Variants in KIAA0930 observed in about 807,000 individuals in gnomAD.
The protein encoded by KIAA0930 is KIAA0930, also known as uncharacterized protein KIAA0930.
KIAA0930 carries 24 observed loss-of-function variants against 43.9 expected under a neutral mutation model. The observed-to-expected ratio is 0.55, with a 90% CI of 0.40 to 0.77. The LOEUF (loss-of-function observed/expected upper bound fraction) is 0.77. Ranked by LOEUF, KIAA0930 falls within the 30% of genes least tolerant of loss-of-function variation. The pLI is 0.00. For synonymous variants in KIAA0930, 259 were observed against 216.4 expected, an observed-to-expected ratio of 1.20 and a Z score of -1.73; for missense variants, 461 against 574.2, an observed-to-expected ratio of 0.80 and a Z score of 2.02.
chr22:45,224,588 CCCCG>C (rs1157027087), intron 1 of KIAA0930, among the ~76,000 whole-genome samples: 1 of 152,094 alleles, frequency 6.6e-6, no homozygotes, highest in Non-Finnish European at 1.5e-5. Context: ...TCCCTGCTGC[CCCCG>C]CCATCCCCAG....
chr22:45,202,844 G>T, intron 7 of KIAA0930, 146 bp downstream of exon 7: 1 of 647,906 alleles, frequency 1.5e-6, no homozygotes, highest in Non-Finnish European at 2.5e-6. Context: ...GGTGGTCCGG[G>T]CCTCCGCACG....
In KIAA0930 at chr22:45,215,892, G is replaced by A. The variant is rs188492252; in HGVS notation, c.65-3785C>T. Among the ~76,000 whole-genome samples, 461 of 152,314 alleles carry A rather than the reference G, an allele frequency of 3.0e-3. 2 individuals carry two copies. Among genetic ancestry groups the A allele is most frequent in the African/African-American group, 0.01 (427 of 41,572 alleles). ...AGGACTCATTAAGAAAGGGAACGGG[G>A]AGGCGGGTGCCTGTAGTCCCAGCTA... On this transcript the variant is annotated intron_variant, in intron 1 of 9. Coordinates refer to ENST00000336156, the MANE Select transcript of KIAA0930 (RefSeq NM_001009880.2).
chr22:45,198,150 A>AC, intron 8 of KIAA0930: 1 of 578,004 alleles, frequency 1.7e-6, no homozygotes, highest in Non-Finnish European at 3.1e-6. Context: ...TCTGGCCCAG[A>AC]CCCAGGCCTC....
Position 45,212,100 on chromosome 22 carries a change from G to A in KIAA0930, c.72C>T (p.Phe24=). The change falls in exon 2 of 10, where the codon TTC becomes TTT. Residue 24 remains phenylalanine, a synonymous_variant. Transcript: ENST00000336156. ...LRREVCGLGC[F]KDDRIVFWTW... ...TCCAGAAGACGATGCGGTCATCCTT[G>A]AAGCACCCTGCAGAGGGAGGCCAGA... 1 of 1,613,740 alleles carries A rather than the reference G, an allele frequency of 6.2e-7. No homozygotes were observed. The highest frequency in any genetic ancestry group is 8.5e-7 in the Non-Finnish European group (1 of 1,179,956).
intron 7 of KIAA0930, 55 bp from the exon 8 acceptor site, chr22:45,200,090 G>A: frequency 2.7e-6 from 4 of 1,507,446 alleles, no homozygotes; most frequent in South Asian, 2.5e-5. Flanking sequence ...CTCCCCGGGG[G>A]TCCCAACGCC....
intron 2 of KIAA0930, 115 bp downstream of exon 2, chr22:45,211,841 C>T (rs1200842358): frequency 9.6e-7 from 1 of 1,045,226 alleles, no homozygotes; most frequent in Non-Finnish European, 1.4e-6. Context: ...ATAAATATCA[C>T]TCACCCTCTT....
At chr22:45,229,489 A>T (rs1295770467) in intron 1 of KIAA0930, among the ~76,000 whole-genome samples, 1 of 151,750 alleles carries the variant, frequency 6.6e-6, no homozygotes, top group Admixed American at 6.6e-5. Context: ...TGGGAGAGGG[A>T]CAGGAGCCAC....
rs1332359249 is a variant in KIAA0930, at chr22:45,203,193, C to T, written c.658-9G>A. 2 of 1,582,710 alleles carry T rather than the reference C, an allele frequency of 1.3e-6. No homozygotes were observed. Among genetic ancestry groups the T allele is most frequent in the Non-Finnish European group, 1.7e-6 (2 of 1,161,976 alleles). On this transcript the variant is annotated splice_polypyrimidine_tract_variant and intron_variant, in intron 6 of 9. Coordinates refer to ENST00000336156, the MANE Select transcript of KIAA0930 (RefSeq NM_001009880.2). ...CGGGCGGCCACGCTCACCTGGGGGC[C>T]GGCGCGGGGCAGCCTGAGTCAGGGA...
intron 1 of KIAA0930, among the ~76,000 whole-genome samples, chr22:45,214,795 G>C (rs543913194): frequency 5.1e-4 from 78 of 152,314 alleles, no homozygotes; most frequent in South Asian, 1.0e-3. Flanking sequence ...TATGGTCCCA[G>C]CTACCAGGGA....
intron 6 of KIAA0930, 53 bp downstream of exon 6, chr22:45,203,792 G>C: frequency 6.3e-7 from 1 of 1,583,022 alleles, no homozygotes; most frequent in Admixed American, 1.8e-5. Flanking sequence ...GTGGGCTGTG[G>C]AGCCGCCGTC....
At chr22:45,238,873 A>G (rs948507380) in intron 1 of KIAA0930, among the ~76,000 whole-genome samples, 2 of 146,400 alleles carry the variant, frequency 1.4e-5, no homozygotes, top group African/African-American at 2.7e-5. Flanking sequence ...GTCCCTGGGC[A>G]GGCTCTCTCT....
intron 2 of KIAA0930, among the ~76,000 whole-genome samples, chr22:45,208,354 A>AC (rs1438077663): frequency 7.1e-6 from 1 of 140,286 alleles, no homozygotes; most frequent in African/African-American, 2.6e-5. Context: ...AACAGGCAGA[A>AC]CCACCGACTC....
At chr22:45,238,828 C>G (rs1199501365) in intron 1 of KIAA0930, among the ~76,000 whole-genome samples, 1 of 151,992 alleles carries the variant, frequency 6.6e-6, no homozygotes, top group Non-Finnish European at 1.5e-5. Flanking sequence ...GAGGGTCAGT[C>G]CCGGCTATGC....
rs554492172 is a variant in KIAA0930, at chr22:45,197,054, G to A, written c.*122C>T. On this transcript the variant is annotated 3_prime_UTR_variant, in exon 10 of 10. Transcript: ENST00000336156. The stretch of plus-strand genomic sequence containing the variant: ...CCGGCCCCGGGAGTCGAGTGGCCTC[G>A]CCTGGCTGCGGCTCCAGCACTGGCG... 1.7e-5 allele frequency: 14 copies of A among 843,980 alleles called. 1 individual carries two copies. The highest frequency in any genetic ancestry group is 9.9e-5 in the South Asian group (5 of 50,732). 52.3% of individuals were successfully genotyped at this position (843,980 alleles called of 1,614,324 possible).
At chr22:45,219,806 G>C (rs185453966) in intron 1 of KIAA0930, among the ~76,000 whole-genome samples, 50 of 152,066 alleles carry the variant, frequency 3.3e-4, no homozygotes, top group Non-Finnish European at 6.0e-4. Context: ...GCCCAGGCTG[G>C]TCTTGAGTGC....
At position 45,213,879 on chromosome 22, in the gene KIAA0930, G is replaced by A. The variant is rs186011602; in HGVS notation, c.65-1772C>T. 4.6e-5 allele frequency among the ~76,000 whole-genome samples: 7 copies of A among 151,854 alleles called. No individual in the cohort carries two copies. In the East Asian group the frequency reaches 7.8e-4, roughly 17 times the overall value. On this transcript the variant is annotated intron_variant, in intron 1 of 9. Coordinates refer to ENST00000336156, the MANE Select transcript of KIAA0930 (RefSeq NM_001009880.2). Reference sequence around the variant, plus strand: ...ACAAAAATTAGCCAGGCATGGTGGCGGGTGCCTGTAATCCCAGCTACTCGA... The same window carrying A: ...ACAAAAATTAGCCAGGCATGGTGGCAGGTGCCTGTAATCCCAGCTACTCGA...
intron 7 of KIAA0930, chr22:45,201,038 A>T (rs1223731699): frequency 1.9e-6 from 1 of 527,650 alleles, no homozygotes; most frequent in Admixed American, 2.0e-5. Context: ...CAATAATCTG[A>T]GGAGCAGGAT....
At chr22:45,231,237 AAAAG>A (rs1030572733) in intron 1 of KIAA0930, among the ~76,000 whole-genome samples, 22 of 150,740 alleles carry the variant, frequency 1.5e-4, no homozygotes, top group African/African-American at 2.5e-4. Context: ...AAAAAAAAAA[AAAAG>A]AAAGAAAATA....
chr22:45,236,468 C>T (rs924915246), intron 1 of KIAA0930, among the ~76,000 whole-genome samples: 1 of 152,112 alleles, frequency 6.6e-6, no homozygotes, highest in Non-Finnish European at 1.5e-5. Context: ...TTGAAGACTA[C>T]GCTGTCCACA....
Sources: allele counts gnomAD v4.1 joint callset (sites outside exome capture counted in the v4.1 genomes callset), GRCh38; gene constraint gnomAD v4.1.1; transcripts MANE v1.5; gene names NCBI Gene and HGNC (gene_info 2026-07-23, HGNC 2026-07-21).